PID1: variants seen among roughly 807,000 people sequenced by gnomAD.
PID1 encodes the protein phosphotyrosine interaction domain containing 1, also known as PTB-containing, cubilin and LRP1-interacting protein.
A neutral mutation model predicts 19.1 loss-of-function variants in PID1; 10 were observed. That is an observed-to-expected ratio of 0.52 (90% CI 0.32 to 0.89). The LOEUF (loss-of-function observed/expected upper bound fraction) is 0.89. PID1 is among the 40% of genes least tolerant of loss of function. The probability of loss-of-function intolerance (pLI) is 0.03; values close to 1 mark genes in which losing one functional copy is unlikely to be tolerated. For missense variants in PID1, 248 were observed against 285.3 expected (o/e 0.87, Z 0.94); for synonymous variants, 130 against 116.0 (o/e 1.12, Z -0.78).
intron 1 of PID1, among the ~76,000 whole-genome samples, chr2:229,269,361 C>T (rs958814043): frequency 6.6e-6 from 1 of 152,220 alleles, no homozygotes; most frequent in Non-Finnish European, 1.5e-5. Flanking sequence ...GGAAGGCAAG[C>T]GAGAGCGCCC....
intron 2 of PID1, among the ~76,000 whole-genome samples, chr2:229,085,217 T>G (rs1694741472): frequency 6.8e-6 from 1 of 147,502 alleles, no homozygotes; most frequent in Admixed American, 6.8e-5. Context: ...ATACTACATA[T>G]ACTTGTAAAA....
At chr2:229,197,041 A>T (rs1691392123) in intron 1 of PID1, among the ~76,000 whole-genome samples, 1 of 152,226 alleles carries the variant, frequency 6.6e-6, no homozygotes, top group East Asian at 1.9e-4. Flanking sequence ...GACAAAGGGC[A>T]AAATTTTCAA....
intron 2 of PID1, among the ~76,000 whole-genome samples, chr2:229,044,464 G>C (rs567522894): frequency 1.4e-4 from 21 of 151,874 alleles, no homozygotes; most frequent in South Asian, 8.3e-4. Context: ...TCCTAGTTGA[G>C]AGACAGCCCT....
chr2:229,075,770 A>G (rs1230606575), intron 2 of PID1, among the ~76,000 whole-genome samples: 1 of 152,182 alleles, frequency 6.6e-6, no homozygotes, highest in Admixed American at 6.5e-5. Flanking sequence ...TTTAACTGCT[A>G]TGCTCTTCCT....
At chr2:229,222,855 TCACACACAAACACA>T (rs1361045847) in intron 1 of PID1, among the ~76,000 whole-genome samples, 13 of 115,882 alleles carry the variant, frequency 1.1e-4, no homozygotes, top group Admixed American at 8.8e-4. Flanking sequence ...AAAAGTCTCT[TCACACACAAACACA>T]CACACACACA....
intron 1 of PID1, among the ~76,000 whole-genome samples, chr2:229,179,770 T>G (rs976508536): frequency 2.0e-5 from 3 of 152,228 alleles, no homozygotes; most frequent in African/African-American, 7.2e-5. Flanking sequence ...CACAGTCTGC[T>G]GAGCTGATTT....
intron 1 of PID1, among the ~76,000 whole-genome samples, chr2:229,262,505 T>C (rs1189452855): frequency 6.6e-6 from 1 of 152,194 alleles, no homozygotes; most frequent in African/African-American, 2.4e-5. Context: ...GGATTCCTTA[T>C]AGACACATGC....
rs1226342300 is a variant in PID1 at position 229,232,040 on chromosome 2, G to C, written c.30+38974C>G. The C allele has an allele frequency of 7.8e-6, 12 of 1,546,320 alleles. No homozygotes were observed. In the South Asian group the frequency reaches 1.4e-4, roughly 19 times the overall value. On this transcript the variant is annotated intron_variant, in intron 1 of 2. Transcript: ENST00000392055. Reference sequence around the variant, plus strand: ...TGTCCTCACACAGTGGAAGGCTAAGGGGCAGGCTGAACATGGCACGAAGCC... The same window carrying C: ...TGTCCTCACACAGTGGAAGGCTAAGCGGCAGGCTGAACATGGCACGAAGCC...
chr2:229,148,161 A>C lies in PID1; in HGVS notation c.177+7657T>G, dbSNP rs541387159. On this transcript the variant is annotated intron_variant, in intron 2 of 2. Transcript: ENST00000392055. ...GAAAAGATTTTAGTCAATAAATAACAAAAGTGAGGTCACAAAGGATAAAGA... is the reference window on the plus strand; with the variant it reads ...GAAAAGATTTTAGTCAATAAATAACCAAAGTGAGGTCACAAAGGATAAAGA... Among the ~76,000 whole-genome samples the C allele has an allele frequency of 5.2e-4, 79 of 152,348 alleles. 1 individual carries two copies. In the South Asian group the frequency reaches 8.7e-3, roughly 17 times the overall value.
intron 1 of PID1, among the ~76,000 whole-genome samples, chr2:229,200,838 G>T (rs1691483806): frequency 6.6e-6 from 1 of 152,082 alleles, no homozygotes; most frequent in African/African-American, 2.4e-5. Context: ...AGTCAAATGA[G>T]CAGGTCACAA....
rs540499809 is a variant in PID1 at position 229,160,649 on chromosome 2, C to T, written c.31-4685G>A. 1.8e-4 allele frequency among the ~76,000 whole-genome samples: 27 copies of T among 152,208 alleles called. No individual in the cohort carries two copies. The South Asian group carries it at 5.4e-3, about 30-fold the overall frequency. On this transcript the variant is annotated intron_variant, in intron 1 of 2. Coordinates refer to ENST00000392055, the MANE Select transcript of PID1 (RefSeq NM_001100818.2). ...AGACTGTTAAGTCCAATGACAACTG[C>T]AAATCTGTGTGAGAAGTTCTATAGC...
rs1300608788 is a variant in PID1 at position 229,131,223 on chromosome 2, CTT to C, written c.177+24593_177+24594del. ...TTTCTTTTCTTTTCTTTTCTTTTCT[CTT>C]TTCTTTTCTTCTCTTTTTTTTTTGA... On this transcript the variant is annotated intron_variant, in intron 2 of 2. Transcript: ENST00000392055. Among the ~76,000 whole-genome samples the C allele has an allele frequency of 2.6e-4, 39 of 151,412 alleles. 2 individuals carry two copies. In the South Asian group the frequency reaches 6.9e-3, roughly 27 times the overall value.
intron 2 of PID1, among the ~76,000 whole-genome samples, chr2:229,032,063 A>G (rs1693565904): frequency 6.6e-6 from 1 of 152,222 alleles, no homozygotes. Context: ...AATTGTCTCA[A>G]AATACCAATG....
At position 229,151,050 on chromosome 2, in the gene PID1, G is replaced by A. The variant is rs958339155; in HGVS notation, c.177+4768C>T. ...GAGAGCAGGATGGGATGGTAGGCAC[G>A]GAACTCAGAATCCACTAAGGAGTGT... On this transcript the variant is annotated intron_variant, in intron 2 of 2. Transcript: ENST00000392055. Among the ~76,000 whole-genome samples the A allele has an allele frequency of 3.9e-5, 6 of 152,010 alleles. No individual in the cohort carries two copies. In the South Asian group the frequency reaches 6.2e-4, roughly 16 times the overall value.
intron 1 of PID1, among the ~76,000 whole-genome samples, chr2:229,182,358 A>G (rs1690964007): frequency 6.6e-6 from 1 of 152,120 alleles, no homozygotes; most frequent in Admixed American, 6.5e-5. Context: ...TTCCACCTCA[A>G]TTTTGCTGAG....
At chr2:229,031,578 A>AGAAAAGGAAAGAAAG in intron 2 of PID1, among the ~76,000 whole-genome samples, 1 of 152,152 alleles carries the variant, frequency 6.6e-6, no homozygotes, top group Non-Finnish European at 1.5e-5. Context: ...AGAAAAGGAA[A>AGAAAAGGAAAGAAAG]GAAAAGGAAA....
At chr2:229,121,715 G>A (rs1342335627) in intron 2 of PID1, among the ~76,000 whole-genome samples, 2 of 152,160 alleles carry the variant, frequency 1.3e-5, no homozygotes, top group South Asian at 4.1e-4. Context: ...ATGGAGGGGG[G>A]AGGTATTTGT....
chr2:229,070,744 G>C (rs1235434241), intron 2 of PID1, among the ~76,000 whole-genome samples: 2 of 152,154 alleles, frequency 1.3e-5, no homozygotes, highest in Non-Finnish European at 2.9e-5. Context: ...AGGAACCTAG[G>C]CTGGAGTTTT....
chr2:229,224,772 C>G (rs1413429790), intron 1 of PID1, among the ~76,000 whole-genome samples: 1 of 151,578 alleles, frequency 6.6e-6, no homozygotes, highest in Non-Finnish European at 1.5e-5. Flanking sequence ...TTAAACTGTC[C>G]TGCTGCCAGC....
Sources: gnomAD v4.1 joint callset for allele counts (sites outside exome capture counted in the v4.1 genomes callset) on GRCh38, gnomAD v4.1.1 for gene constraint, MANE v1.5 for transcripts, NCBI Gene and HGNC (gene_info 2026-07-23, HGNC 2026-07-21) for gene names.